CPO: variants seen among roughly 807,000 people sequenced by gnomAD.
CPO encodes carboxypeptidase O, also known as metallocarboxypeptidase C.
A neutral mutation model predicts 41.2 loss-of-function variants in CPO; 43 were observed. The observed-to-expected ratio is 1.04, with a 90% CI of 0.82 to 1.35. CPO has a LOEUF of 1.35. CPO is among the 40% of genes most tolerant of loss of function. The probability of loss-of-function intolerance (pLI) is 0.00; values close to 1 mark genes in which losing one functional copy is unlikely to be tolerated. For synonymous variants in CPO, 178 were observed against 162.7 expected (o/e 1.09, Z -0.72); for missense variants, 408 against 451.7 (o/e 0.90, Z 0.88).
At chr2:206,958,075 G>C (rs1032078318) in intron 3 of CPO, among the ~76,000 whole-genome samples, 1 of 152,174 alleles carries the variant, frequency 6.6e-6, no homozygotes, top group African/African-American at 2.4e-5. Flanking sequence ...TGGGGAGCCA[G>C]TGTGCAGTCC....
chr2:206,954,663 A>G (rs766404173), intron 2 of CPO, among the ~76,000 whole-genome samples: 1 of 152,208 alleles, frequency 6.6e-6, no homozygotes, highest in Non-Finnish European at 1.5e-5. Flanking sequence ...CTCTACTAGT[A>G]CCAATATACT....
intron 1 of CPO, 106 bp downstream of exon 1, chr2:206,939,773 C>A: frequency 1.3e-6 from 1 of 750,204 alleles, no homozygotes; most frequent in Non-Finnish European, 2.2e-6. Context: ...CCTTGCTACT[C>A]ATATATACCA....
intron 2 of CPO, among the ~76,000 whole-genome samples, chr2:206,950,515 T>C (rs878914241): frequency 1.3e-5 from 2 of 152,190 alleles, no homozygotes; most frequent in Non-Finnish European, 2.9e-5. Flanking sequence ...TGGAAGACAG[T>C]GTGGCGATTC....
intron 1 of CPO, among the ~76,000 whole-genome samples, chr2:206,941,543 T>A (rs1693029923): frequency 6.6e-6 from 1 of 152,108 alleles, no homozygotes; most frequent in African/African-American, 2.4e-5. Flanking sequence ...AAGCCCAGGT[T>A]AAATTATTGA....
chr2:206,963,343 G>A (rs561536054), intron 7 of CPO, among the ~76,000 whole-genome samples: 22 of 151,802 alleles, frequency 1.4e-4, no homozygotes, highest in East Asian at 3.9e-4. Flanking sequence ...TTTTTTTTCC[G>A]TTTTAATTGT....
At chr2:206,948,303 A>C (rs1208206235) in intron 1 of CPO, among the ~76,000 whole-genome samples, 1 of 152,238 alleles carries the variant, frequency 6.6e-6, no homozygotes, top group Non-Finnish European at 1.5e-5. Context: ...TTAAATGCAT[A>C]CTATTCAGTG....
intron 2 of CPO, among the ~76,000 whole-genome samples, chr2:206,950,725 C>A (rs918528591): frequency 6.6e-6 from 1 of 152,236 alleles, no homozygotes; most frequent in African/African-American, 2.4e-5. Context: ...CACATATACA[C>A]CATGGAATAC....
chr2:206,967,019 C>T (rs74858224), intron 7 of CPO, among the ~76,000 whole-genome samples: 4 of 152,142 alleles, frequency 2.6e-5, no homozygotes, highest in East Asian at 3.9e-4. Flanking sequence ...GTCAGGCATC[C>T]GGGGAGCTGG....
chr2:206,944,174 G>C (rs1216984395), intron 1 of CPO, among the ~76,000 whole-genome samples: 2 of 151,970 alleles, frequency 1.3e-5, no homozygotes, highest in Non-Finnish European at 1.5e-5. Flanking sequence ...AAAGTGCTTT[G>C]ACCAGTGCCT....
At chr2:206,948,518 C>A (rs924714042) in intron 1 of CPO, among the ~76,000 whole-genome samples, 3 of 152,152 alleles carry the variant, frequency 2.0e-5, no homozygotes, top group African/African-American at 4.8e-5. Flanking sequence ...AATCCCAGCA[C>A]TTTAGGAGGC....
intron 7 of CPO, among the ~76,000 whole-genome samples, chr2:206,965,712 G>T (rs1693560815): frequency 6.6e-6 from 1 of 152,020 alleles, no homozygotes; most frequent in Non-Finnish European, 1.5e-5. Context: ...ATGCTTACAG[G>T]AAATTCTCTG....
intron 1 of CPO, 65 bp from the exon 2 acceptor site, chr2:206,949,552 C>A: frequency 8.3e-7 from 1 of 1,199,556 alleles, no homozygotes; most frequent in Non-Finnish European, 1.2e-6. Flanking sequence ...TTTTCAACAA[C>A]CCGCCAACCC....
At chr2:206,958,158 CATT>C (rs1693406375) in intron 3 of CPO, 140 bp from the exon 4 acceptor site, 5 of 555,500 alleles carry the variant, frequency 9.0e-6, no homozygotes. Context: ...ATGGGTGTCT[CATT>C]AGCATCCTTG....
At position 206,939,659 on chromosome 2, in the gene CPO, A is replaced by G. The variant is rs778227508; in HGVS notation, c.60A>G (p.Gly20=). ...GGATGCTGGTTCCTGGAGGGCTGGGATATGATAGGTGAGTGTAAAGTGGGA... is the reference window on the plus strand; with the variant it reads ...GGATGCTGGTTCCTGGAGGGCTGGGGTATGATAGGTGAGTGTAAAGTGGGA... ...LLGMLVPGGL[G]YDRSLAQHRQ... is the part of the protein sequence containing the mutation. The change falls in exon 1 of 9, where the codon GGA becomes GGG. Residue 20 remains glycine, a synonymous_variant. Transcript: ENST00000272852. 3 of 1,610,620 alleles carry G rather than the reference A, an allele frequency of 1.9e-6. No homozygotes were observed. Among genetic ancestry groups the G allele is most frequent in the Non-Finnish European group, 2.5e-6 (3 of 1,177,372 alleles).
At chr2:206,942,861 T>A (rs1693054634) in intron 1 of CPO, among the ~76,000 whole-genome samples, 1 of 152,204 alleles carries the variant, frequency 6.6e-6, no homozygotes, top group East Asian at 1.9e-4. Context: ...TTTCTGAGGT[T>A]TACATATTGT....
At chr2:206,948,931 G>A (rs1360098812) in intron 1 of CPO, among the ~76,000 whole-genome samples, 1 of 152,190 alleles carries the variant, frequency 6.6e-6, no homozygotes, top group Non-Finnish European at 1.5e-5. Context: ...CCACTGTTGT[G>A]TGGGATGTCT....
chr2:206,966,099 T>C (rs1472959894), intron 7 of CPO, among the ~76,000 whole-genome samples: 1 of 151,922 alleles, frequency 6.6e-6, no homozygotes, highest in Non-Finnish European at 1.5e-5. Flanking sequence ...AGTTATTTTA[T>C]CAACAAAGAA....
chr2:206,949,718 G>A lies in CPO; in HGVS notation c.165+5G>A. 1 of 1,589,462 alleles carries A rather than the reference G, an allele frequency of 6.3e-7. No individual in the cohort carries two copies. Among genetic ancestry groups the A allele is most frequent in the Non-Finnish European group, 8.6e-7 (1 of 1,157,840 alleles). On this transcript the variant is annotated splice_donor_5th_base_variant and intron_variant, in intron 2 of 8. Transcript: ENST00000272852. The stretch of plus-strand genomic sequence containing the variant: ...ATATACCACCCCATGGGAGAGGTAA[G>A]GAAGGACACATGGCAGGAGGTTGGT...
At chr2:206,946,238 A>C (rs148688397) in intron 1 of CPO, among the ~76,000 whole-genome samples, 1 of 152,302 alleles carries the variant, frequency 6.6e-6, no homozygotes, top group Admixed American at 6.5e-5. Context: ...TCAATGAAAT[A>C]GTAGCAAATC....
Sources: allele counts gnomAD v4.1 joint callset (sites outside exome capture counted in the v4.1 genomes callset), GRCh38; gene constraint gnomAD v4.1.1; transcripts MANE v1.5; gene names NCBI Gene and HGNC (gene_info 2026-07-23, HGNC 2026-07-21).